Variants in KATNB1 observed in about 807,000 individuals in gnomAD.
The protein encoded by KATNB1 is katanin p80 WD40 repeat-containing subunit B1.
KATNB1 carries 38 observed loss-of-function variants against 82.3 expected under a neutral mutation model. The observed-to-expected ratio is 0.46, with a 90% CI of 0.36 to 0.61. The LOEUF is 0.61. Ranked by LOEUF, KATNB1 falls within the 20% of genes least tolerant of loss-of-function variation. KATNB1 has a pLI of 0.00. For missense variants in KATNB1, 749 were observed against 915.7 expected, an observed-to-expected ratio of 0.82 and a Z score of 2.35; for synonymous variants, 361 against 368.7, an observed-to-expected ratio of 0.98 and a Z score of 0.24.
chr16:57,753,086 G>T lies in KATNB1; in HGVS notation c.865G>T (p.Ala289Ser). Residue 289 changes from alanine to serine, a missense_variant, in exon 11 of 20, where the codon GCC (alanine) becomes TCC (serine). Ala to Ser is a moderately conservative substitution (Grantham distance 99). Transcript: ENST00000379661. Reference protein sequence around the residue: ...AICNDQLIGVAFSQSNVSSYV... With the variant: ...AICNDQLIGVSFSQSNVSSYV... The stretch of plus-strand genomic sequence containing the variant: ...TCTCCGCTTTCTGCAGATAGGTGTG[G>T]CCTTCTCCCAGAGCAACGTCTCCTC... 6.2e-7 allele frequency: 1 copy of T among 1,603,724 alleles called. No homozygotes were observed. The highest frequency in any genetic ancestry group is 1.7e-5 in the Admixed American group (1 of 59,730).
chr16:57,754,585 C>T (rs1555584935), intron 13 of KATNB1, among the ~76,000 whole-genome samples: 2 of 152,168 alleles, frequency 1.3e-5, no homozygotes, highest in African/African-American at 2.4e-5. Context: ...CCTCAGGGAC[C>T]GTCCTTGCCG....
chr16:57,744,371 A>G (rs558696205), intron 3 of KATNB1, 23 bp from the exon 4 acceptor site: 3 of 1,589,918 alleles, frequency 1.9e-6, no homozygotes, highest in African/African-American at 2.7e-5. Flanking sequence ...CAGTGCACGG[A>G]AGCTGCTGCT....
Position 57,751,181 on chromosome 16 carries a change from T to A in KATNB1, c.391-80T>A, listed in dbSNP as rs1314890805. 20 of 1,367,826 alleles carry A rather than the reference T, an allele frequency of 1.5e-5. No individual in the cohort carries two copies. Among genetic ancestry groups the A allele is most frequent in the Non-Finnish European group, 2.1e-5 (20 of 956,948 alleles). 84.7% of individuals were successfully genotyped at this position (1,367,826 alleles called of 1,614,324 possible). A position where few individuals can be genotyped will look rare whatever the true frequency, so the allele number is the denominator to read the frequency against. ...CTAGAGAAGGCTGGGCCCCACCGTCTGCTCACGACTGCACACCTTCCTCCA... is the reference window on the plus strand; with the variant it reads ...CTAGAGAAGGCTGGGCCCCACCGTCAGCTCACGACTGCACACCTTCCTCCA... On this transcript the variant is annotated intron_variant, in intron 5 of 19. Coordinates refer to ENST00000379661, the MANE Select transcript of KATNB1 (RefSeq NM_005886.3). The surrounding 1 kb of genome is among the most constrained non-coding windows in gnomAD (Gnocchi z 6.3).
In KATNB1 at chr16:57,751,430, C is replaced by T; in HGVS notation, c.432+128C>T. Reference sequence around the variant, plus strand: ...ATGGGTGATAACATAAAACATAGACCTGGAGCTGAGCAGGAGCGCCATGGG... The same window carrying T: ...ATGGGTGATAACATAAAACATAGACTTGGAGCTGAGCAGGAGCGCCATGGG... On this transcript the variant is annotated intron_variant, in intron 6 of 19. Coordinates refer to ENST00000379661, the MANE Select transcript of KATNB1 (RefSeq NM_005886.3). The surrounding 1 kb of genome is among the most constrained non-coding windows in gnomAD (Gnocchi z 6.3). 2 of 1,086,754 alleles carry T rather than the reference C, an allele frequency of 1.8e-6. No homozygotes were observed. The highest frequency in any genetic ancestry group is 2.8e-6 in the Non-Finnish European group (2 of 714,382). The allele number at this position is 1,086,754 out of a possible 1,614,324, so 67.3% of individuals were successfully genotyped here.
chr16:57,750,113 C>T (rs1485858973), intron 4 of KATNB1, among the ~76,000 whole-genome samples: 1 of 152,226 alleles, frequency 6.6e-6, no homozygotes. Context: ...CAAGCAGCTT[C>T]TCTCCCAGCT....
Position 57,751,733 on chromosome 16 carries a change from C to T in KATNB1, c.516+9C>T, listed in dbSNP as rs200953106. On this transcript the variant is annotated intron_variant, in intron 7 of 19. Coordinates refer to ENST00000379661, the MANE Select transcript of KATNB1 (RefSeq NM_005886.3). The surrounding 1 kb of genome is among the most constrained non-coding windows in gnomAD (Gnocchi z 6.3). ...ATGACCACACCGTGAAGGTAGCTCC[C>T]GGCCTGACCTGGGCCCAGGGGCTGG... The T allele has an allele frequency of 9.9e-5, 159 of 1,608,052 alleles. 1 individual carries two copies. The highest frequency in any genetic ancestry group is 1.2e-4 in the Non-Finnish European group (143 of 1,179,746).
At chr16:57,750,110 C>T (rs2967121) in intron 4 of KATNB1, among the ~76,000 whole-genome samples, 146,560 of 152,240 alleles carry the variant, frequency 0.96, 70,819 homozygotes, top group African/African-American at 0.99. Context: ...AACCAAGCAG[C>T]TTCTCTCCCA....
chr16:57,747,295 T>C (rs1489817731), intron 4 of KATNB1, among the ~76,000 whole-genome samples: 1 of 152,356 alleles, frequency 6.6e-6, no homozygotes, highest in East Asian at 1.9e-4. Flanking sequence ...AGGCTGCTTT[T>C]TCCAGAAGAG....
intron 5 of KATNB1, 23 bp downstream of exon 5, chr16:57,750,950 G>GT: frequency 6.3e-7 from 1 of 1,589,408 alleles, no homozygotes; most frequent in Non-Finnish European, 8.6e-7. Flanking sequence ...TCCGTGCCCC[G>GT]TGTCTCCTGC....
At chr16:57,743,850 GAA>G (rs1213239701) in intron 3 of KATNB1, among the ~76,000 whole-genome samples, 13 of 152,348 alleles carry the variant, frequency 8.5e-5, no homozygotes, top group Non-Finnish European at 1.6e-4. Context: ...GATCCACAGT[GAA>G]AAGTCTTCCA....
chr16:57,754,125 C>G, intron 13 of KATNB1, 130 bp downstream of exon 13: 2 of 753,728 alleles, frequency 2.7e-6, no homozygotes, highest in Non-Finnish European at 4.5e-6. Flanking sequence ...CACACCCTCT[C>G]CCGCTGGGTC....
In KATNB1 at chr16:57,751,795, C is replaced by T. The variant is rs1486339391; in HGVS notation, c.516+71C>T. On this transcript the variant is annotated intron_variant, in intron 7 of 19. Transcript: ENST00000379661. This position sits in a 1 kb window ranked among gnomAD's most constrained non-coding sequence, Gnocchi z 6.3. ...TGCTGATCACAGCAGGCTGAGTCCTCACCTCCCTCCTGATCGGGCTCACAT... is the reference window on the plus strand; with the variant it reads ...TGCTGATCACAGCAGGCTGAGTCCTTACCTCCCTCCTGATCGGGCTCACAT... The T allele has an allele frequency of 1.4e-6, 2 of 1,479,208 alleles. No homozygotes were observed. Among genetic ancestry groups the T allele is most frequent in the Admixed American group, 1.7e-5 (1 of 59,212 alleles). The allele number at this position is 1,479,208 out of a possible 1,614,324, so 91.6% of individuals were successfully genotyped here. A position where few individuals can be genotyped will look rare whatever the true frequency, so the allele number is the denominator to read the frequency against.
chr16:57,755,286 G>A, intron 15 of KATNB1, 48 bp downstream of exon 15: 1 of 1,610,616 alleles, frequency 6.2e-7, no homozygotes, highest in East Asian at 2.2e-5. Flanking sequence ...TGTGGGTGGA[G>A]GGCAGAGCTT....
intron 2 of KATNB1, among the ~76,000 whole-genome samples, chr16:57,741,468 A>C (rs991606849): frequency 6.6e-6 from 1 of 152,260 alleles, no homozygotes; most frequent in African/African-American, 2.4e-5. Flanking sequence ...AAAGACAGGC[A>C]TGATGAAAGT....
chr16:57,746,561 C>T (rs540280936), intron 4 of KATNB1, among the ~76,000 whole-genome samples: 53 of 152,056 alleles, frequency 3.5e-4, no homozygotes, highest in Admixed American at 3.3e-3. Flanking sequence ...TGCTGTGCCT[C>T]GGTGCCTTAG....
chr16:57,740,552 G>A (rs368217210), intron 2 of KATNB1, among the ~76,000 whole-genome samples: 27 of 152,206 alleles, frequency 1.8e-4, no homozygotes, highest in East Asian at 7.7e-4. Flanking sequence ...CGGGTGCCTC[G>A]GGGCGTCAGC....
rs559434352 is a variant in KATNB1, at chr16:57,755,380, C to T, written c.1452C>T (p.Asp484=). The change falls in exon 16 of 20, where the codon GAC becomes GAT. Residue 484 remains aspartate, a synonymous_variant. Transcript: ENST00000379661. ...TCCCCCAGCAGGCCGAGCTGGTGGA[C>T]GAGGATGCCATGTCACAGATCCGCA... ...VKIPQQAELV[D]EDAMSQIRKG... 70 of 1,613,326 alleles carry T rather than the reference C, an allele frequency of 4.3e-5. 1 individual carries two copies. Among genetic ancestry groups the T allele is most frequent in the Admixed American group, 8.3e-5 (5 of 60,034 alleles).
Position 57,751,590 on chromosome 16 carries a change from G to A in KATNB1, c.433-51G>A. 1.3e-6 allele frequency: 2 copies of A among 1,532,336 alleles called. No homozygotes were observed. Among genetic ancestry groups the A allele is most frequent in the Non-Finnish European group, 1.8e-6 (2 of 1,112,712 alleles). 94.9% of individuals were successfully genotyped at this position (1,532,336 alleles called of 1,614,324 possible). A position where few individuals can be genotyped will look rare whatever the true frequency, so the allele number is the denominator to read the frequency against. On this transcript the variant is annotated intron_variant, in intron 6 of 19. Transcript: ENST00000379661. This position sits in a 1 kb window ranked among gnomAD's most constrained non-coding sequence, Gnocchi z 6.3. Reference sequence around the variant, plus strand: ...CATAGGAGTGAGGAGGCAGGGAGAGGTCTGTTGGGCCCAGGATCCCAGGGT... The same window carrying A: ...CATAGGAGTGAGGAGGCAGGGAGAGATCTGTTGGGCCCAGGATCCCAGGGT...
At chr16:57,737,630 T>C (rs2049110739) in intron 2 of KATNB1, among the ~76,000 whole-genome samples, 1 of 152,170 alleles carries the variant, frequency 6.6e-6, no homozygotes, top group Non-Finnish European at 1.5e-5. Context: ...TCCTGAAAGA[T>C]GTTCACAGCA....
Sources: gnomAD v4.1 joint callset for allele counts (sites outside exome capture counted in the v4.1 genomes callset) on GRCh38, gnomAD v4.1.1 for gene constraint, Gnocchi (gnomAD v3.1) non-coding constraint, MANE v1.5 for transcripts, NCBI Gene and HGNC (gene_info 2026-07-23, HGNC 2026-07-21) for gene names.